The following PLCB4 variants were observed in gnomAD, a reference collection of about 807,000 sequenced individuals.
The protein encoded by PLCB4 is 1-phosphatidylinositol 4,5-bisphosphate phosphodiesterase beta-4.
Under a neutral mutation model 178.8 loss-of-function variants are expected in PLCB4, and 77 were observed. That is an observed-to-expected ratio of 0.43 (90% confidence interval 0.36 to 0.52). The LOEUF is 0.52. PLCB4 is among the 20% of genes least tolerant of loss of function. PLCB4 has a pLI of 0.00. For missense variants in PLCB4, 1,024 were observed against 1,453.4 expected (o/e 0.70, Z 4.80); for synonymous variants, 496 against 490.8 (o/e 1.01, Z -0.14).
intron 2 of PLCB4, among the ~76,000 whole-genome samples, chr20:9,131,737 C>T (rs2092277705): frequency 6.6e-6 from 1 of 152,164 alleles, no homozygotes; most frequent in Non-Finnish European, 1.5e-5. Flanking sequence ...TCCTATCACT[C>T]ATGCCCTTGT....
rs1451505475 is a variant in PLCB4 at position 9,462,056 on chromosome 20, C to T, written c.3248+2246C>T. ...GGGTGCCCCTCTGGGACAAAGCTGC[C>T]ACAGGAAGGATCAGGCAGCAATATT... is the stretch of plus-strand genomic sequence containing the variant. On this transcript the variant is annotated intron_variant, in intron 35 of 39. Transcript: ENST00000378473. Among the ~76,000 whole-genome samples the T allele has an allele frequency of 2.6e-5, 4 of 152,116 alleles. No individual in the cohort carries two copies. The East Asian group carries it at 7.7e-4, about 29-fold the overall frequency.
chr20:9,271,189 C>G (rs2094399152), intron 3 of PLCB4, among the ~76,000 whole-genome samples: 1 of 152,130 alleles, frequency 6.6e-6, no homozygotes, highest in Non-Finnish European at 1.5e-5. Flanking sequence ...TTGTTCATTA[C>G]CTCAAGTTGT....
At chr20:9,341,178 G>A (rs13040399) in intron 7 of PLCB4, among the ~76,000 whole-genome samples, 10,134 of 152,040 alleles carry the variant, frequency 0.067, 363 homozygotes, top group Middle Eastern at 0.096. Context: ...CCATAATTTG[G>A]TTGCTGTTAG....
At chr20:9,252,200 CA>C (rs1469414311) in intron 3 of PLCB4, among the ~76,000 whole-genome samples, 1 of 152,114 alleles carries the variant, frequency 6.6e-6, no homozygotes, top group African/African-American at 2.4e-5. Context: ...CTGGGTCCAT[CA>C]CATTTCACAT....
At chr20:9,132,280 A>G (rs1030549695) in intron 2 of PLCB4, among the ~76,000 whole-genome samples, 5 of 140,850 alleles carry the variant, frequency 3.5e-5, no homozygotes, top group East Asian at 2.6e-4. Context: ...CAAGGGCATA[A>G]TGTTTGTGTG....
intron 25 of PLCB4, 146 bp downstream of exon 25, chr20:9,411,234 A>C: frequency 1.6e-6 from 1 of 606,470 alleles, no homozygotes; most frequent in Non-Finnish European, 2.9e-6. Context: ...TACCTAGAGA[A>C]TATTTGCACA....
intron 35 of PLCB4, among the ~76,000 whole-genome samples, chr20:9,467,215 T>C (rs1268808272): frequency 6.6e-6 from 1 of 151,904 alleles, no homozygotes; most frequent in East Asian, 1.9e-4. Flanking sequence ...TACTCATAGG[T>C]GGGAATTGAA....
chr20:9,082,566 A>G (rs1307547122), intron 1 of PLCB4, among the ~76,000 whole-genome samples: 2 of 152,186 alleles, frequency 1.3e-5, no homozygotes, highest in African/African-American at 2.4e-5. Flanking sequence ...TAATTATTAG[A>G]TATATCATTA....
At chr20:9,392,035 A>G (rs1443885979) in intron 17 of PLCB4, among the ~76,000 whole-genome samples, 1 of 152,214 alleles carries the variant, frequency 6.6e-6, no homozygotes, top group Non-Finnish European at 1.5e-5. Context: ...AACCCAAACT[A>G]AGAAACAGCT....
intron 7 of PLCB4, among the ~76,000 whole-genome samples, 157 bp from the exon 8 acceptor site, chr20:9,362,739 T>C (rs1476539303): frequency 6.6e-6 from 1 of 152,168 alleles, no homozygotes; most frequent in Non-Finnish European, 1.5e-5. Context: ...GAATAAAATA[T>C]GAGCCTGCAA....
chr20:9,088,178 C>CTTT (rs10554943), intron 1 of PLCB4, among the ~76,000 whole-genome samples: 2 of 99,166 alleles, frequency 2.0e-5, no homozygotes, highest in Admixed American at 9.9e-5. Context: ...CTTTTCTTTT[C>CTTT]TTTTTTTTTT....
At chr20:9,381,652 G>A (rs919421802) in intron 13 of PLCB4, among the ~76,000 whole-genome samples, 2 of 152,174 alleles carry the variant, frequency 1.3e-5, no homozygotes, top group East Asian at 1.9e-4. Context: ...CATTTCACAA[G>A]TGATGGAAAT....
intron 3 of PLCB4, among the ~76,000 whole-genome samples, chr20:9,296,789 A>T (rs950927472): frequency 6.6e-6 from 1 of 152,056 alleles, no homozygotes; most frequent in Admixed American, 6.6e-5. Context: ...GTTCTCACTT[A>T]TAGGTGGGAA....
At chr20:9,206,421 G>T (rs2093616489) in intron 2 of PLCB4, among the ~76,000 whole-genome samples, 1 of 150,906 alleles carries the variant, frequency 6.6e-6, no homozygotes, top group Admixed American at 6.6e-5. Context: ...CACTCCCATG[G>T]CATTCAGCAC....
intron 2 of PLCB4, among the ~76,000 whole-genome samples, chr20:9,152,082 C>CA (rs1379025015): frequency 2.0e-5 from 3 of 152,096 alleles, no homozygotes; most frequent in Non-Finnish European, 4.4e-5. Flanking sequence ...AAGAAATTTC[C>CA]AAGCAGCTCA....
At chr20:9,125,444 T>A (rs2092087232) in intron 2 of PLCB4, among the ~76,000 whole-genome samples, 1 of 152,174 alleles carries the variant, frequency 6.6e-6, no homozygotes, top group African/African-American at 2.4e-5. Flanking sequence ...ATTTTTAAAT[T>A]TCATTTTCTT....
chr20:9,088,178 C>CTTTTTTTTTTT (rs10554943), intron 1 of PLCB4, among the ~76,000 whole-genome samples: 1 of 99,168 alleles, frequency 1.0e-5, no homozygotes, highest in Non-Finnish European at 2.3e-5. Context: ...CTTTTCTTTT[C>CTTTTTTTTTTT]TTTTTTTTTT....
At chr20:9,118,949 T>G (rs1399090635) in intron 2 of PLCB4, among the ~76,000 whole-genome samples, 1 of 152,120 alleles carries the variant, frequency 6.6e-6, no homozygotes, top group Non-Finnish European at 1.5e-5. Context: ...ATGAGAAAAA[T>G]AAGATGAAAT....
chr20:9,272,747 A>G (rs2094416129), intron 3 of PLCB4, among the ~76,000 whole-genome samples: 1 of 152,000 alleles, frequency 6.6e-6, no homozygotes, highest in Non-Finnish European at 1.5e-5. Flanking sequence ...TGGTGAGCAT[A>G]CCCTTAAAAT....
Sources: allele counts gnomAD v4.1 joint callset (sites outside exome capture counted in the v4.1 genomes callset), GRCh38; gene constraint gnomAD v4.1.1; transcripts MANE v1.5; gene names NCBI Gene and HGNC (gene_info 2026-07-23, HGNC 2026-07-21).